The following CFAP251 variants were observed in gnomAD, a reference collection of about 807,000 sequenced individuals.
The protein encoded by CFAP251 is cilia- and flagella-associated protein 251.
In CFAP251, 93 loss-of-function variants were observed where a neutral mutation model predicts 126.7. That is an observed-to-expected ratio of 0.73 (90% CI 0.62 to 0.87). CFAP251 has a LOEUF of 0.87. CFAP251 is among the 40% of genes least tolerant of loss of function. The probability of loss-of-function intolerance (pLI) is 0.00; values close to 1 mark genes in which losing one functional copy is unlikely to be tolerated. For synonymous variants in CFAP251, 503 were observed against 506.9 expected (o/e 0.99, Z 0.10); for missense variants, 1,287 against 1,389.2 (o/e 0.93, Z 1.17).
rs570068740 is a variant in CFAP251 at position 121,935,558 on chromosome 12, A to G, written c.998+1202A>G. On this transcript the variant is annotated intron_variant, in intron 5 of 21. Transcript: ENST00000288912. ...ACTTTCCTTGTTTTTGATGACTGAC[A>G]GTTTTAAGGAGTACAGGTCAGGGAT... Among the ~76,000 whole-genome samples, 20 of 152,326 alleles carry G rather than the reference A, an allele frequency of 1.3e-4. No individual in the cohort carries two copies. In the South Asian group the frequency reaches 3.9e-3, roughly 30 times the overall value.
intron 7 of CFAP251, among the ~76,000 whole-genome samples, 190 bp downstream of exon 7, chr12:121,943,165 T>C (rs539568145): frequency 1.8e-4 from 28 of 151,934 alleles, no homozygotes; most frequent in African/African-American, 6.8e-4. Context: ...ATACAAAAAT[T>C]CCCTGGGTGT....
At chr12:121,922,546 C>A (rs1426716367) in intron 2 of CFAP251, among the ~76,000 whole-genome samples, 4 of 152,136 alleles carry the variant, frequency 2.6e-5, no homozygotes, top group Non-Finnish European at 5.9e-5. Context: ...GTGTGTGCCA[C>A]AGCTGAGGTG....
At chr12:121,967,808 A>T (rs1882198558) in intron 16 of CFAP251, among the ~76,000 whole-genome samples, 198 bp from the exon 17 acceptor site, 1 of 152,242 alleles carries the variant, frequency 6.6e-6, no homozygotes. Flanking sequence ...TACCTGTTAG[A>T]GCTGTGCAAG....
At chr12:121,964,628 G>A (rs561485566) in intron 15 of CFAP251, among the ~76,000 whole-genome samples, 1 of 152,318 alleles carries the variant, frequency 6.6e-6, no homozygotes, top group South Asian at 2.1e-4. Flanking sequence ...CAGTTCAGCC[G>A]GGCGTGGTGG....
intron 2 of CFAP251, among the ~76,000 whole-genome samples, chr12:121,922,996 C>T (rs1313481730): frequency 6.6e-6 from 1 of 151,606 alleles, no homozygotes; most frequent in African/African-American, 2.4e-5. Flanking sequence ...GGGGTTTCAC[C>T]ATGTTAGCCA....
chr12:121,955,765 G>A (rs546001523), intron 10 of CFAP251: 3 of 152,332 alleles, frequency 2.0e-5, no homozygotes. Context: ...ACTCAGTGGA[G>A]CGAGAAGATA....
In CFAP251 at chr12:121,974,446, G is replaced by A. The variant is rs1882408544; in HGVS notation, c.2772-798G>A. Among the ~76,000 whole-genome samples, 1 of 152,150 alleles carries A rather than the reference G, an allele frequency of 6.6e-6. No homozygotes were observed. The highest frequency in any genetic ancestry group is 2.4e-5 in the African/African-American group (1 of 41,406). ...ATAGTGGAGGACACTGATGCCAGGG[G>A]GGTTAAGTCACCTCCCCAGAATCAC... On this transcript the variant is annotated intron_variant, in intron 17 of 21. Transcript: ENST00000288912. This position sits in a 1 kb window ranked among gnomAD's most constrained non-coding sequence, Gnocchi z 4.6.
chr12:121,966,281 G>A (rs779708268), intron 15 of CFAP251, among the ~76,000 whole-genome samples: 14 of 107,188 alleles, frequency 1.3e-4, no homozygotes, highest in Non-Finnish European at 2.3e-4. Flanking sequence ...TCTTCCTTTC[G>A]ATGGAGTCTT....
At chr12:121,962,547 C>T (rs946442160) in intron 15 of CFAP251, among the ~76,000 whole-genome samples, 10 of 152,104 alleles carry the variant, frequency 6.6e-5, no homozygotes, top group African/African-American at 2.2e-4. Flanking sequence ...TTACACCCTG[C>T]GTGAGCCAGG....
intron 11 of CFAP251, among the ~76,000 whole-genome samples, chr12:121,957,703 C>CAAA (rs11416000): frequency 1.1e-4 from 12 of 110,886 alleles, no homozygotes; most frequent in African/African-American, 2.1e-4. Context: ...GACTCTGTCT[C>CAAA]AAAAAAAAAA....
intron 19 of CFAP251, among the ~76,000 whole-genome samples, chr12:121,996,674 A>AT: frequency 6.6e-6 from 1 of 152,148 alleles, no homozygotes; most frequent in African/African-American, 2.4e-5. Flanking sequence ...TTAAATTATT[A>AT]TTTTTTTAAG....
At chr12:122,000,243 C>G (rs1252581414) in intron 20 of CFAP251, among the ~76,000 whole-genome samples, 1 of 152,148 alleles carries the variant, frequency 6.6e-6, no homozygotes, top group African/African-American at 2.4e-5. Flanking sequence ...GATCCATCTC[C>G]CTGGGCTGTC....
chr12:121,979,737 G>A (rs1278536114), intron 19 of CFAP251, among the ~76,000 whole-genome samples: 2 of 151,746 alleles, frequency 1.3e-5, no homozygotes, highest in African/African-American at 4.8e-5. Context: ...GCTAATTTTT[G>A]TATTTTTTAG....
intron 17 of CFAP251, among the ~76,000 whole-genome samples, chr12:121,970,258 C>T (rs1304559480): frequency 6.6e-6 from 1 of 152,150 alleles, no homozygotes; most frequent in Non-Finnish European, 1.5e-5. Context: ...CTAGCATGCA[C>T]CCTTTCTCTT....
chr12:121,947,782 G>A (rs955097673), intron 7 of CFAP251: 1 of 152,166 alleles, frequency 6.6e-6, no homozygotes, highest in African/African-American at 2.4e-5. Flanking sequence ...CTGATTTTCA[G>A]GCTTTGTGAA....
At chr12:121,993,225 TC>T (rs1158958595) in intron 19 of CFAP251, among the ~76,000 whole-genome samples, 1 of 137,680 alleles carries the variant, frequency 7.3e-6, no homozygotes, top group Admixed American at 7.2e-5. Context: ...AACCTCGGCC[TC>T]CCGAGGTGCC....
intron 2 of CFAP251, 24 bp downstream of exon 2, chr12:121,921,707 C>A: frequency 6.3e-7 from 1 of 1,582,494 alleles, no homozygotes; most frequent in South Asian, 1.2e-5. Flanking sequence ...TTAATTCATT[C>A]ATCAATTCAT....
intron 20 of CFAP251, among the ~76,000 whole-genome samples, chr12:122,000,504 A>T (rs192944266): frequency 0.01 from 1,530 of 151,292 alleles, 25 homozygotes; most frequent in Middle Eastern, 0.017. Flanking sequence ...GTGAGCCAAG[A>T]TCACGCCACT....
intron 17 of CFAP251, chr12:121,969,232 G>A (rs1210814335): frequency 2.0e-6 from 2 of 985,162 alleles, no homozygotes; most frequent in African/African-American, 3.5e-5. Context: ...ACCTGAATAT[G>A]AGCAAAAATA....
Sources: gnomAD v4.1 joint callset for allele counts (sites outside exome capture counted in the v4.1 genomes callset) on GRCh38, gnomAD v4.1.1 for gene constraint, Gnocchi (gnomAD v3.1) non-coding constraint, MANE v1.5 for transcripts, NCBI Gene and HGNC (gene_info 2026-07-23, HGNC 2026-07-21) for gene names.